The following SPACA6 variants were observed in gnomAD, a reference collection of about 807,000 sequenced individuals.
The protein encoded by SPACA6 is sperm acrosome membrane-associated protein 6.
For synonymous variants in SPACA6, 6 were observed against 1.5 expected (o/e 4.05, Z -2.21); for missense variants, 8 against 2.8 (o/e 2.88, Z -1.34).
At chr19:51,683,809 G>C in the SPACA6 span, among the ~76,000 whole-genome samples, 11 of 152,150 alleles carry the variant, frequency 7.2e-5, no homozygotes, top group Non-Finnish European at 1.3e-4. Flanking sequence ...TTTTACTGAT[G>C]ATGAAACTGA....
upstream of SPACA6, among the ~76,000 whole-genome samples, chr19:51,690,771 G>A (rs73054870): frequency 0.078 from 11,850 of 152,170 alleles, 581 homozygotes; most frequent in South Asian, 0.13. Context: ...ACTGGTTGGC[G>A]GGTGGGGGAG....
chr19:51,708,890 T>C (rs2083529112), downstream of SPACA6, among the ~76,000 whole-genome samples: 1 of 149,894 alleles, frequency 6.7e-6, no homozygotes, highest in Non-Finnish European at 1.5e-5. Flanking sequence ...AGGCAAAAAT[T>C]TAAAAAGGGA....
chr19:51,691,071 C>T (rs1244652214), upstream of SPACA6, among the ~76,000 whole-genome samples: 3 of 104,122 alleles, frequency 2.9e-5, no homozygotes, highest in African/African-American at 1.3e-4. Context: ...CTCCTCCGCC[C>T]CTTTCCCGCC....
At chr19:51,708,320 A>G (rs112889114), downstream of SPACA6, among the ~76,000 whole-genome samples, 9 of 152,146 alleles carry the variant, frequency 5.9e-5, 1 homozygote, top group African/African-American at 2.2e-4. Context: ...CAAACACCAA[A>G]TATGTATTTC....
At chr19:51,711,863 G>A (rs1470865896) in intron 2 of SPACA6, among the ~76,000 whole-genome samples, 1 of 152,186 alleles carries the variant, frequency 6.6e-6, no homozygotes, top group East Asian at 1.9e-4. Flanking sequence ...ATGAGCAGCT[G>A]CCCAGGTCTT....
At chr19:51,711,983 A>T (rs1218422692) in intron 2 of SPACA6, 1 of 152,086 alleles carries the variant, frequency 6.6e-6, no homozygotes, top group Non-Finnish European at 1.5e-5. Flanking sequence ...GGCTGTGCAA[A>T]CCTGTAAACT....
upstream of SPACA6, chr19:51,688,620 C>G (rs1029491924): frequency 7.9e-5 from 12 of 151,634 alleles, no homozygotes; most frequent in African/African-American, 2.9e-4. Flanking sequence ...GAGAGAGAGA[C>G]GGGCAGACCC....
chr19:51,709,614 C>CACAA (rs544681006), downstream of SPACA6, among the ~76,000 whole-genome samples: 8 of 93,180 alleles, frequency 8.6e-5, no homozygotes, highest in Non-Finnish European at 1.7e-4. Context: ...GACTCTGTCA[C>CACAA]AAAAAAAAAA....
At chr19:51,712,712 A>G (rs747318419), downstream of SPACA6, among the ~76,000 whole-genome samples, 5 of 151,886 alleles carry the variant, frequency 3.3e-5, no homozygotes, top group Non-Finnish European at 7.4e-5. Context: ...GGAGATGGGG[A>G]CTCCAGCAGA....
At position 51,701,753 on chromosome 19, in the gene SPACA6, C is replaced by A. The variant is rs2083469985; in HGVS notation, c.361+27C>A. ...TAAAATACACTCCATCTCTCCTTCC[C>A]CAGACACACACACACACAATTAGAA... On this transcript the variant is annotated intron_variant, in intron 3 of 8. Coordinates refer to ENST00000637797, the MANE Select transcript of SPACA6 (RefSeq NM_001316972.2). 2.3e-5 allele frequency: 9 copies of A among 398,104 alleles called. No individual in the cohort carries two copies. The East Asian group carries it at 3.2e-4, about 14-fold the overall frequency. The allele number at this position is 398,104 out of a possible 1,614,324, so 24.7% of individuals were successfully genotyped here.
downstream of SPACA6, among the ~76,000 whole-genome samples, chr19:51,708,592 C>T (rs2864921): frequency 0.3 from 44,866 of 151,876 alleles, 6,760 homozygotes; most frequent in South Asian, 0.38. Context: ...TTTGGGAGGC[C>T]GAGACGGGTG....
At chr19:51,706,817 AC>A (rs1236810588), downstream of SPACA6, among the ~76,000 whole-genome samples, 1 of 151,792 alleles carries the variant, frequency 6.6e-6, no homozygotes, top group African/African-American at 2.4e-5. Flanking sequence ...GCGCCACCAC[AC>A]CTGGCTAATT....
chr19:51,702,081 T>A (rs1307758040), intron 3 of SPACA6, among the ~76,000 whole-genome samples: 1 of 152,012 alleles, frequency 6.6e-6, no homozygotes, highest in Non-Finnish European at 1.5e-5. Context: ...AACCCACTCC[T>A]GAGACCCCCC....
At chr19:51,698,752 A>T (rs1384813257) in intron 2 of SPACA6, among the ~76,000 whole-genome samples, 1 of 152,148 alleles carries the variant, frequency 6.6e-6, no homozygotes, top group African/African-American at 2.4e-5. Flanking sequence ...ATCACAGAGG[A>T]CGCTTTCCCC....
At chr19:51,690,539 C>G (rs1366310511), upstream of SPACA6, among the ~76,000 whole-genome samples, 1 of 152,128 alleles carries the variant, frequency 6.6e-6, no homozygotes, top group Non-Finnish European at 1.5e-5. Context: ...CAGCTAGTTG[C>G]CATGGTGCCA....
chr19:51,690,695 G>A (rs536112881), upstream of SPACA6, among the ~76,000 whole-genome samples: 10 of 152,274 alleles, frequency 6.6e-5, no homozygotes, highest in South Asian at 2.1e-3. Flanking sequence ...TTCCACCAAC[G>A]CCTTGTCCAG....
upstream of SPACA6, chr19:51,687,300 TAC>T (rs2083332850): frequency 7.1e-6 from 1 of 140,700 alleles, no homozygotes; most frequent in Non-Finnish European, 1.6e-5. Flanking sequence ...CATACATACA[TAC>T]ATAAGCAAAT....
chr19:51,705,226 CAG>C, downstream of SPACA6: 1 of 400,072 alleles, frequency 2.5e-6, no homozygotes. Flanking sequence ...ACTACTAACT[CAG>C]GTAGGAGGAG....
At chr19:51,707,633 T>TA (rs2083522214), downstream of SPACA6, among the ~76,000 whole-genome samples, 2 of 152,196 alleles carry the variant, frequency 1.3e-5, no homozygotes, top group Admixed American at 1.3e-4. Flanking sequence ...TTGAGTGTCC[T>TA]ATAATTCATT....
Sources: allele counts gnomAD v4.1 joint callset (sites outside exome capture counted in the v4.1 genomes callset), GRCh38; gene constraint gnomAD v4.1.1; transcripts MANE v1.5; gene names NCBI Gene and HGNC (gene_info 2026-07-23, HGNC 2026-07-21).